The following CDYL variants were observed in gnomAD, a reference collection of about 807,000 sequenced individuals.
The protein encoded by CDYL is chromodomain Y like, also known as chromodomain Y-like protein.
CDYL carries 8 observed loss-of-function variants against 47.3 expected under a neutral mutation model. The ratio of observed to expected loss-of-function variants is 0.17; its 90% CI spans 0.10 to 0.31. The LOEUF (loss-of-function observed/expected upper bound fraction) is 0.31. Ranked by LOEUF, CDYL falls within the 10% of genes least tolerant of loss-of-function variation. The probability of loss-of-function intolerance (pLI) is 1.00; values close to 1 mark genes in which losing one functional copy is unlikely to be tolerated. For missense variants in CDYL, 471 were observed against 701.4 expected (o/e 0.67, Z 3.71); for synonymous variants, 266 against 265.0 (o/e 1.00, Z -0.04).
At chr6:4,924,277 C>A (rs941818298) in intron 2 of CDYL, among the ~76,000 whole-genome samples, 1 of 152,156 alleles carries the variant, frequency 6.6e-6, no homozygotes, top group African/African-American at 2.4e-5. Context: ...GAAACAGAAT[C>A]ATTTTAATTG....
Position 4,912,818 on chromosome 6 carries a change from C to T in CDYL, c.691+20439C>T, listed in dbSNP as rs548505371. On this transcript the variant is annotated intron_variant, in intron 2 of 6. Transcript: ENST00000397588. ...ATGTGCCAGCTCAGCTCACTCTCCC[C>T]CTCTTCTTATGAAGCCACCAGTCGC... is the stretch of plus-strand genomic sequence containing the variant. 2.3e-3 allele frequency among the ~76,000 whole-genome samples: 355 copies of T among 152,268 alleles called. 1 individual carries two copies. Among genetic ancestry groups the T allele is most frequent in the African/African-American group, 8.3e-3 (343 of 41,554 alleles).
intron 3 of CDYL, among the ~76,000 whole-genome samples, chr6:4,754,934 T>C (rs1561837447): frequency 6.6e-6 from 1 of 152,214 alleles, no homozygotes; most frequent in Non-Finnish European, 1.5e-5. Flanking sequence ...TGTGTCTGCT[T>C]ACTTCTTTTT....
chr6:4,830,709 C>T (rs899022455), intron 1 of CDYL, among the ~76,000 whole-genome samples: 2 of 150,980 alleles, frequency 1.3e-5, no homozygotes, highest in South Asian at 4.2e-4. Context: ...CCCACTAACT[C>T]GTCATCTAGC....
intron 1 of CDYL, among the ~76,000 whole-genome samples, chr6:4,882,909 C>T (rs142692993): frequency 1.2e-3 from 190 of 152,246 alleles, no homozygotes; most frequent in African/African-American, 4.2e-3. Flanking sequence ...AACAAGTTGA[C>T]GTACATTCTT....
intron 1 of CDYL, among the ~76,000 whole-genome samples, chr6:4,785,077 A>G (rs925712396): frequency 3.3e-5 from 5 of 152,206 alleles, no homozygotes; most frequent in African/African-American, 1.2e-4. Flanking sequence ...GAATGGACTA[A>G]TACACAAGTC....
intron 1 of CDYL, among the ~76,000 whole-genome samples, chr6:4,842,653 G>A (rs993260931): frequency 2.6e-5 from 4 of 152,062 alleles, no homozygotes; most frequent in African/African-American, 7.2e-5. Context: ...AAGTTTATGT[G>A]AGTACTTATG....
At position 4,838,301 on chromosome 6, in the gene CDYL, A is replaced by G. The variant is rs1013391367; in HGVS notation, c.25-53412A>G. On this transcript the variant is annotated intron_variant, in intron 1 of 6. Transcript: ENST00000397588. ...CTCAATGTGTCGTCTTTTATCCCTC[A>G]CCCCCCTCCCACCCTTTCCCCCAAG... Among the ~76,000 whole-genome samples, 100 of 148,996 alleles carry G rather than the reference A, an allele frequency of 6.7e-4. 1 individual carries two copies. The highest frequency in any genetic ancestry group is 2.4e-3 in the African/African-American group (96 of 40,450).
At chr6:4,760,508 G>C (rs1758158707) in intron 3 of CDYL, among the ~76,000 whole-genome samples, 1 of 152,134 alleles carries the variant, frequency 6.6e-6, no homozygotes, top group African/African-American at 2.4e-5. Flanking sequence ...TCATGGATTG[G>C]TCAGAAAAGA....
intron 1 of CDYL, among the ~76,000 whole-genome samples, chr6:4,709,159 T>A (rs1464906149): frequency 1.3e-5 from 2 of 152,140 alleles, no homozygotes; most frequent in African/African-American, 4.8e-5. Flanking sequence ...GATAAGGCTG[T>A]TTGTCACTAT....
At chr6:4,882,748 C>G (rs1761796215) in intron 1 of CDYL, among the ~76,000 whole-genome samples, 2 of 152,282 alleles carry the variant, frequency 1.3e-5, no homozygotes, top group South Asian at 4.2e-4. Context: ...ATGTGCAGCC[C>G]TGTCGAAGAT....
At chr6:4,806,966 C>G (rs151306789) in intron 1 of CDYL, among the ~76,000 whole-genome samples, 1 of 152,176 alleles carries the variant, frequency 6.6e-6, no homozygotes, top group Non-Finnish European at 1.5e-5. Flanking sequence ...GGGATTCTCC[C>G]GAGGGCTTCC....
At chr6:4,791,042 A>G (rs757926792) in intron 1 of CDYL, among the ~76,000 whole-genome samples, 1 of 152,250 alleles carries the variant, frequency 6.6e-6, no homozygotes, top group Non-Finnish European at 1.5e-5. Context: ...AATATCTGTT[A>G]TTAGTGTTTC....
chr6:4,785,925 G>A (rs952248366), intron 1 of CDYL, among the ~76,000 whole-genome samples: 12 of 152,236 alleles, frequency 7.9e-5, no homozygotes, highest in African/African-American at 2.4e-4. Context: ...GACAGGCTCC[G>A]TGGGGCCAGT....
chr6:4,836,207 A>G (rs1581200615), intron 1 of CDYL: 8 of 882,560 alleles, frequency 9.1e-6, no homozygotes, highest in African/African-American at 1.8e-5. Flanking sequence ...AGCTGTTCCT[A>G]TTCGGCCATC....
At chr6:4,772,239 A>AT, upstream of CDYL, among the ~76,000 whole-genome samples, 1 of 152,342 alleles carries the variant, frequency 6.6e-6, no homozygotes, top group Non-Finnish European at 1.5e-5. Context: ...CAAAGAGATG[A>AT]AACAACTAGT....
In CDYL at chr6:4,877,592, T is replaced by G. The variant is rs142203485; in HGVS notation, c.25-14121T>G. On this transcript the variant is annotated intron_variant, in intron 1 of 6. Coordinates refer to ENST00000397588, the MANE Select transcript of CDYL (RefSeq NM_004824.4). Reference sequence around the variant, plus strand: ...TTCCAAAAAACTTGACCAAATAGATTTCTTGGGGATCTTTGTAATCAAAAA... The same window carrying G: ...TTCCAAAAAACTTGACCAAATAGATGTCTTGGGGATCTTTGTAATCAAAAA... 6.4e-4 allele frequency among the ~76,000 whole-genome samples: 97 copies of G among 152,338 alleles called. 1 individual carries two copies. The highest frequency in any genetic ancestry group is 2.3e-3 in the African/African-American group (94 of 41,588).
intron 1 of CDYL, among the ~76,000 whole-genome samples, chr6:4,862,585 T>C (rs1761202756): frequency 6.6e-6 from 1 of 152,200 alleles, no homozygotes; most frequent in Non-Finnish European, 1.5e-5. Flanking sequence ...GCTCCCTACC[T>C]TTGGGGGCTG....
intron 5 of CDYL, among the ~76,000 whole-genome samples, chr6:4,949,227 C>T (rs1428203460): frequency 6.6e-6 from 1 of 152,210 alleles, no homozygotes. Flanking sequence ...CAGGCTCCCA[C>T]GTGGAAATCT....
At chr6:4,719,942 A>G (rs529014060) in intron 2 of CDYL, among the ~76,000 whole-genome samples, 1 of 152,326 alleles carries the variant, frequency 6.6e-6, no homozygotes, top group African/African-American at 2.4e-5. Flanking sequence ...CAACAAAATC[A>G]CATTCCTCTG....
Sources: allele counts gnomAD v4.1 joint callset (sites outside exome capture counted in the v4.1 genomes callset), GRCh38; gene constraint gnomAD v4.1.1; transcripts MANE v1.5; gene names NCBI Gene and HGNC (gene_info 2026-07-23, HGNC 2026-07-21).